The following TBR1 variants were observed in gnomAD, a reference collection of about 807,000 sequenced individuals.
TBR1 encodes the protein T-box brain transcription factor 1.
TBR1 carries 7 observed loss-of-function variants against 60.3 expected under a neutral mutation model. The ratio of observed to expected loss-of-function variants is 0.12; its 90% confidence interval spans 0.07 to 0.22. The LOEUF (loss-of-function observed/expected upper bound fraction) is 0.22, where lower values mean the gene tolerates loss of function less well. TBR1 is among the 10% of genes least tolerant of loss of function. TBR1 has a pLI of 1.00. For missense variants in TBR1, 616 were observed against 936.8 expected (o/e 0.66, Z 4.47); for synonymous variants, 417 against 409.9 (o/e 1.02, Z -0.21).
In TBR1 at chr2:161,425,631, A is replaced by G. The variant is rs184704233; in HGVS notation, c.*1404A>G. The G allele has an allele frequency of 3.9e-4, 60 of 152,368 alleles. 1 individual carries two copies. Among genetic ancestry groups the G allele is most frequent in the Admixed American group, 2.9e-3 (44 of 15,308 alleles). 9.4% of individuals were successfully genotyped at this position (152,368 alleles called of 1,614,324 possible). On this transcript the variant is annotated 3_prime_UTR_variant, in exon 6 of 6. Coordinates refer to ENST00000389554, the MANE Select transcript of TBR1 (RefSeq NM_006593.4). ...AATTAATGTGAAATATGCATCATAC[A>G]CAATATTCAATCTAGATTCCAGTCC...
Position 161,418,913 on chromosome 2 carries a change from C to A in TBR1, c.991C>A (p.His331Asn). 1 of 1,614,058 alleles carries A rather than the reference C, an allele frequency of 6.2e-7. No individual in the cohort carries two copies. The highest frequency in any genetic ancestry group is 8.5e-7 in the Non-Finnish European group (1 of 1,179,990). ...NGQMVVLQSL[H>N]KYQPRLHVVE... ...ACAGATGGTGGTTTTACAGTCCTTGCACAAGTACCAGCCCCGCCTGCATGT... is the reference window on the plus strand; with the variant it reads ...ACAGATGGTGGTTTTACAGTCCTTGAACAAGTACCAGCCCCGCCTGCATGT... Residue 331 changes from histidine (H) to asparagine (N), a missense_variant, in exon 4 of 6, where the codon CAC (histidine) becomes AAC (asparagine). Physicochemically the swap from His to Asn is moderately conservative, Grantham distance 68. Coordinates refer to ENST00000389554, the MANE Select transcript of TBR1 (RefSeq NM_006593.4).
At chr2:161,418,385 C>T (rs1684168891) in intron 3 of TBR1, 63 bp downstream of exon 3, 2 of 1,577,426 alleles carry the variant, frequency 1.3e-6, no homozygotes, top group Non-Finnish European at 1.7e-6. Flanking sequence ...ACATCCAGTT[C>T]GTCAGTGTAA....
Position 161,416,956 on chromosome 2 carries a change from C to A in TBR1, c.546C>A (p.His182Gln), listed in dbSNP as rs1684134259. The A allele has an allele frequency of 6.2e-7, 1 of 1,614,216 alleles. No homozygotes were observed. The highest frequency in any genetic ancestry group is 2.2e-5 in the East Asian group (1 of 44,864). Residue 182 changes from histidine to glutamine, a missense_variant, in exon 1 of 6, where the codon CAC (histidine) becomes CAA (glutamine). Physicochemically the swap from His to Gln is conservative, Grantham distance 24. This residue lies in a region of TBR1 where 211 missense variants were observed against 268.7 expected (regional missense o/e 0.79). Transcript: ENST00000389554. The surrounding 1 kb of genome is among the most constrained non-coding windows in gnomAD (Gnocchi z 6.1). ...ACCCCTACCCACAGCAGTACGGCCA[C>A]TCCTACCAAGGAGCTCCGTTCTACC... ...AGYPYPQQYG[H>Q]SYQGAPFYQF...
At position 161,423,477 on chromosome 2, in the gene TBR1, G is replaced by C. The variant is rs571608834; in HGVS notation, c.1299G>C (p.Gln433His). 6.2e-7 allele frequency: 1 copy of C among 1,607,186 alleles called. No individual in the cohort carries two copies. The highest frequency in any genetic ancestry group is 8.5e-7 in the Non-Finnish European group (1 of 1,177,662). ...ACGCCATGGCCGGCTCTTTCCTGCAGGACCAGTTCGTGAGCAACTACGCCA... is the reference window on the plus strand; with the variant it reads ...ACGCCATGGCCGGCTCTTTCCTGCACGACCAGTTCGTGAGCAACTACGCCA... ...ARYAMAGSFLQDQFVSNYAKA... is the reference protein window; with the variant it reads ...ARYAMAGSFLHDQFVSNYAKA... Residue 433 changes from glutamine (Q) to histidine (H), a missense_variant, in exon 6 of 6, where the codon CAG becomes CAC. Physicochemically the swap from Gln to His is conservative, Grantham distance 24 (BLOSUM62 0). This residue lies in a region of TBR1 where 80 missense variants were observed against 75.3 expected (regional missense o/e 1.06). Coordinates refer to ENST00000389554, the MANE Select transcript of TBR1 (RefSeq NM_006593.4).
Position 161,418,305 on chromosome 2 carries a change from T to A in TBR1, c.952T>A (p.Ser318Thr). The change falls in exon 3 of 6, where the codon TCA becomes ACA. Residue 318 changes from serine (S) to threonine (T), a missense_variant. Coordinates refer to ENST00000389554, the MANE Select transcript of TBR1 (RefSeq NM_006593.4). ...AAAACTTACGAACAACAAAGGAGCT[T>A]CAAATAACAATGGGCAGGTCAGTGG... Reference protein sequence around the residue: ...KLKLTNNKGASNNNGQMVVLQ... With the variant: ...KLKLTNNKGATNNNGQMVVLQ... 1 of 1,614,002 alleles carries A rather than the reference T, an allele frequency of 6.2e-7. No individual in the cohort carries two copies. Among genetic ancestry groups the A allele is most frequent in the Non-Finnish European group, 8.5e-7 (1 of 1,179,952 alleles).
intron 4 of TBR1, 22 bp from the exon 5 acceptor site, chr2:161,420,174 A>G (rs1684204773): frequency 6.2e-7 from 1 of 1,607,406 alleles, no homozygotes; most frequent in East Asian, 2.2e-5. Flanking sequence ...GTGAGATAAC[A>G]TTCATTTTTT....
At position 161,416,443 on chromosome 2, in the gene TBR1, C is replaced by T. The variant is rs772279295; in HGVS notation, c.33C>T (p.Ile11=). The T allele has an allele frequency of 6.2e-7, 1 of 1,608,116 alleles. No individual in the cohort carries two copies. The highest frequency in any genetic ancestry group is 8.5e-7 in the Non-Finnish European group (1 of 1,176,718). MQLEHCLSPS[I]MLSKKFLNVS... is the part of the protein sequence containing the mutation. Reference sequence around the variant, plus strand: ...TGGAGCACTGCCTTTCTCCTTCTATCATGCTCTCCAAGAAATTTCTCAATG... The same window carrying T: ...TGGAGCACTGCCTTTCTCCTTCTATTATGCTCTCCAAGAAATTTCTCAATG... Residue 11 remains isoleucine, a synonymous_variant, in exon 1 of 6, where the codon ATC becomes ATT. Coordinates refer to ENST00000389554, the MANE Select transcript of TBR1 (RefSeq NM_006593.4). This position sits in a 1 kb window ranked among gnomAD's most constrained non-coding sequence, Gnocchi z 6.1.
chr2:161,424,287 C>G lies in TBR1; in HGVS notation c.*60C>G, dbSNP rs906482496. On this transcript the variant is annotated 3_prime_UTR_variant, in exon 6 of 6. Coordinates refer to ENST00000389554, the MANE Select transcript of TBR1 (RefSeq NM_006593.4). The surrounding 1 kb of genome is among the most constrained non-coding windows in gnomAD (Gnocchi z 4.4). ...GACCCCCAGCCAGCCCCTCACAGCT[C>G]TTCCCCAGCTCCGCCTCCCCACACT... is the stretch of plus-strand genomic sequence containing the variant. 1 of 1,475,702 alleles carries G rather than the reference C, an allele frequency of 6.8e-7. No individual in the cohort carries two copies. The highest frequency in any genetic ancestry group is 2.5e-5 in the East Asian group (1 of 40,162). 91.4% of individuals were successfully genotyped at this position (1,475,702 alleles called of 1,614,324 possible).
At chr2:161,423,036 T>G in intron 5 of TBR1, 1 of 245,744 alleles carries the variant, frequency 4.1e-6, no homozygotes, top group East Asian at 7.4e-5. Flanking sequence ...AGAAGTGGGA[T>G]GAAAGTCCTT....
Position 161,424,172 on chromosome 2 carries a change from A to G in TBR1, c.1994A>G (p.Glu665Gly). The change falls in exon 6 of 6, where the codon GAG (glutamate) becomes GGG (glycine). Residue 665 changes from glutamate (E) to glycine (G), a missense_variant. Physicochemically the swap from Glu to Gly is moderately conservative, Grantham distance 98 (BLOSUM62 -2). Coordinates refer to ENST00000389554, the MANE Select transcript of TBR1 (RefSeq NM_006593.4). This position sits in a 1 kb window ranked among gnomAD's most constrained non-coding sequence, Gnocchi z 4.4. ...GAGGTGCTGGCCCAGCGGGACTGCG[A>G]GAAGAACTGCGCCAAGGACATTAGC... is the stretch of plus-strand genomic sequence containing the variant. ...KSEVLAQRDC[E>G]KNCAKDISGY... The G allele has an allele frequency of 1.2e-6, 2 of 1,612,922 alleles. No homozygotes were observed. Among genetic ancestry groups the G allele is most frequent in the South Asian group, 2.2e-5 (2 of 90,788 alleles).
In TBR1 at chr2:161,423,738, C is replaced by T; in HGVS notation, c.1560C>T (p.Gly520=). ...CGCTGCTCTCTTACGCGGCGGCGGG[C>T]GTGAAGGCGCTGCCGCTGCAGGCTG... is the stretch of plus-strand genomic sequence containing the variant. ...AATLLSYAAA[G]VKALPLQAAG... is the part of the protein sequence containing the mutation. The change falls in exon 6 of 6, where the codon GGC becomes GGT. Residue 520 remains glycine (G), a synonymous_variant. Transcript: ENST00000389554. 5 of 1,513,638 alleles carry T rather than the reference C, an allele frequency of 3.3e-6. 1 individual carries two copies. In the South Asian group the frequency reaches 6.2e-5, roughly 19 times the overall value. The allele number at this position is 1,513,638 out of a possible 1,614,324, so 93.8% of individuals were successfully genotyped here.
Position 161,417,522 on chromosome 2 carries a change from C to A in TBR1, c.693-154C>A. ...ATTTGGGTTGCACTTCTTTTCTTCT[C>A]CCACCACCCTTTTTCTAATCCAGCA... On this transcript the variant is annotated intron_variant, in intron 1 of 5. Coordinates refer to ENST00000389554, the MANE Select transcript of TBR1 (RefSeq NM_006593.4). This position sits in a 1 kb window ranked among gnomAD's most constrained non-coding sequence, Gnocchi z 5.3. 1 of 1,031,216 alleles carries A rather than the reference C, an allele frequency of 9.7e-7. No homozygotes were observed. The highest frequency in any genetic ancestry group is 1.4e-6 in the Non-Finnish European group (1 of 713,876). The allele number at this position is 1,031,216 out of a possible 1,614,324, so 63.9% of individuals were successfully genotyped here.
intron 5 of TBR1, chr2:161,420,902 A>G (rs960838603): frequency 6.6e-6 from 1 of 152,224 alleles, no homozygotes; most frequent in Non-Finnish European, 1.5e-5. Flanking sequence ...ATTATTTATA[A>G]GCTTCAAAAG....
chr2:161,418,580 C>A, intron 3 of TBR1: 1 of 547,286 alleles, frequency 1.8e-6, no homozygotes, highest in Non-Finnish European at 3.1e-6. Context: ...AGAAGAAACC[C>A]CACAAGATCT....
chr2:161,419,099 TC>T, intron 4 of TBR1, 49 bp downstream of exon 4: 1 of 1,609,828 alleles, frequency 6.2e-7, no homozygotes. Flanking sequence ...CAGACATCTC[TC>T]CCACCCTCTC....
In TBR1 at chr2:161,423,972, C is replaced by T. The variant is rs1195643832; in HGVS notation, c.1794C>T (p.Pro598=). Residue 598 remains proline (P), a synonymous_variant, in exon 6 of 6, where the codon CCC becomes CCT. Coordinates refer to ENST00000389554, the MANE Select transcript of TBR1 (RefSeq NM_006593.4). ...CCGCCGAGCGCTCGCCGCTGCCGCC[C>T]GGCGCCGCCGAGGACGCCAAGCCCA... ...GLAAERSPLP[P]GAAEDAKPKD... 6.5e-7 allele frequency: 1 copy of T among 1,549,842 alleles called. No individual in the cohort carries two copies. Among genetic ancestry groups the T allele is most frequent in the Non-Finnish European group, 8.7e-7 (1 of 1,146,622 alleles).
Position 161,418,969 on chromosome 2 carries a change from C to T in TBR1, c.1047C>T (p.Asp349=). Residue 349 remains aspartate, a synonymous_variant, in exon 4 of 6, where the codon GAC becomes GAT. Coordinates refer to ENST00000389554, the MANE Select transcript of TBR1 (RefSeq NM_006593.4). Reference sequence around the variant, plus strand: ...AAGTGAACGAGGACGGCACGGAGGACACTAGCCAGCCCGGCCGCGTGCAGA... The same window carrying T: ...AAGTGAACGAGGACGGCACGGAGGATACTAGCCAGCCCGGCCGCGTGCAGA... ...VVEVNEDGTE[D]TSQPGRVQTF... is the part of the protein sequence containing the mutation. 2.5e-6 allele frequency: 4 copies of T among 1,614,246 alleles called. No individual in the cohort carries two copies. Among genetic ancestry groups the T allele is most frequent in the Non-Finnish European group, 3.4e-6 (4 of 1,180,040 alleles).
At chr2:161,419,471 C>T in intron 4 of TBR1, 2 of 179,506 alleles carry the variant, frequency 1.1e-5, no homozygotes, top group Non-Finnish European at 1.1e-5. Context: ...CTCTCTCTCT[C>T]TTTTTTTCAT....
intron 3 of TBR1, 148 bp downstream of exon 3, chr2:161,418,470 A>G (rs1248898620): frequency 1.7e-6 from 2 of 1,195,518 alleles, no homozygotes; most frequent in African/African-American, 1.6e-5. Context: ...CACCCTCCAA[A>G]TTTATATTAA....
Sources: gnomAD v4.1 joint callset for allele counts on GRCh38, gnomAD v4.1.1 for gene constraint, gnomAD v4.1.1 regional missense constraint, Gnocchi (gnomAD v3.1) non-coding constraint, MANE v1.5 for transcripts, NCBI Gene and HGNC (gene_info 2026-07-23, HGNC 2026-07-21) for gene names.